Variants in TNNI3K observed in about 807,000 individuals in gnomAD.
TNNI3K encodes the protein serine/threonine-protein kinase TNNI3K.
In TNNI3K, 140 loss-of-function variants were observed where a neutral mutation model predicts 114.5. That is an observed-to-expected ratio of 1.22 (90% CI 1.07 to 1.41). TNNI3K has a LOEUF of 1.41. Among genes scored for constraint, TNNI3K ranks in the 40% most tolerant of loss-of-function variants. TNNI3K has a pLI of 0.00. For missense variants in TNNI3K, 1,125 were observed against 1,007.6 expected (o/e 1.12, Z -1.58); for synonymous variants, 347 against 347.5 (o/e 1.00, Z 0.02).
intron 21 of TNNI3K, among the ~76,000 whole-genome samples, chr1:74,474,507 T>G (rs1009025289): frequency 6.6e-6 from 1 of 152,184 alleles, no homozygotes; most frequent in Non-Finnish European, 1.5e-5. Context: ...AATTTCTTGA[T>G]ACAGCACCTC....
intron 23 of TNNI3K, among the ~76,000 whole-genome samples, chr1:74,512,831 C>A (rs1052440092): frequency 6.6e-6 from 1 of 152,150 alleles, no homozygotes; most frequent in Non-Finnish European, 1.5e-5. Context: ...TCAAAATGGG[C>A]ACCCCCTGCA....
At chr1:74,406,239 G>T (rs919929407) in intron 17 of TNNI3K, among the ~76,000 whole-genome samples, 4 of 152,160 alleles carry the variant, frequency 2.6e-5, no homozygotes, top group Non-Finnish European at 5.9e-5. Flanking sequence ...CAGCCCACAG[G>T]CTGTGTGTGG....
At chr1:74,304,251 GTCAA>G (rs1251428107) in intron 5 of TNNI3K, among the ~76,000 whole-genome samples, 3 of 152,154 alleles carry the variant, frequency 2.0e-5, no homozygotes, top group Admixed American at 2.0e-4. Context: ...GAAAGAAAGA[GTCAA>G]TCAATGTGGC....
At position 74,286,917 on chromosome 1, in the gene TNNI3K, G is replaced by A. The variant is rs541566687; in HGVS notation, c.444+15209G>A. On this transcript the variant is annotated intron_variant, in intron 5 of 24. Transcript: ENST00000326637. ...GAAATGAAGATTTCTGAACTGCCTG[G>A]CAAATAATTAAAAATAATCACCTTA... is the stretch of plus-strand genomic sequence containing the variant. Among the ~76,000 whole-genome samples, 4 of 152,146 alleles carry A rather than the reference G, an allele frequency of 2.6e-5. 1 individual carries two copies. The South Asian group carries it at 8.3e-4, about 32-fold the overall frequency.
At chr1:74,474,855 A>G in intron 21 of TNNI3K, among the ~76,000 whole-genome samples, 1 of 151,998 alleles carries the variant, frequency 6.6e-6, no homozygotes. Context: ...ATGAATCACT[A>G]GCATTAGAGG....
intron 2 of TNNI3K, among the ~76,000 whole-genome samples, chr1:74,236,423 T>G (rs1653863544): frequency 6.6e-6 from 1 of 151,790 alleles, no homozygotes; most frequent in South Asian, 2.1e-4. Context: ...TAAATTGTAA[T>G]CTGCCATCAT....
intron 5 of TNNI3K, among the ~76,000 whole-genome samples, chr1:74,302,193 G>A (rs1658368980): frequency 6.6e-6 from 1 of 152,142 alleles, no homozygotes; most frequent in African/African-American, 2.4e-5. Context: ...TGTTGCAATT[G>A]TTTTGGGGAG....
intron 24 of TNNI3K, 103 bp from the exon 25 acceptor site, chr1:74,543,803 T>C: frequency 2.3e-6 from 3 of 1,298,564 alleles, no homozygotes; most frequent in Non-Finnish European, 3.3e-6. Flanking sequence ...AGATTGTCTG[T>C]TCACATGATC....
intron 11 of TNNI3K, among the ~76,000 whole-genome samples, chr1:74,360,623 A>T (rs944355467): frequency 1.3e-5 from 2 of 152,104 alleles, no homozygotes; most frequent in African/African-American, 4.8e-5. Context: ...TTTACATGGC[A>T]GTCCAATCTG....
intron 21 of TNNI3K, among the ~76,000 whole-genome samples, chr1:74,479,919 G>T (rs1212876656): frequency 1.3e-5 from 2 of 152,214 alleles, no homozygotes; most frequent in Admixed American, 6.5e-5. Flanking sequence ...TTATACCAGG[G>T]CTGGAGCCCT....
intron 5 of TNNI3K, among the ~76,000 whole-genome samples, chr1:74,303,221 T>C (rs1342055836): frequency 6.6e-6 from 1 of 152,072 alleles, no homozygotes; most frequent in East Asian, 1.9e-4. Context: ...TGATATGGAG[T>C]TTCACTCTTC....
intron 17 of TNNI3K, chr1:74,375,188 T>C (rs989032560): frequency 6.4e-6 from 1 of 157,034 alleles, no homozygotes; most frequent in Admixed American, 6.2e-5. Flanking sequence ...CCCTTTAATA[T>C]TGGGGATGGA....
chr1:74,342,692 G>T, intron 7 of TNNI3K, 150 bp from the exon 8 acceptor site: 1 of 926,534 alleles, frequency 1.1e-6, no homozygotes, highest in Non-Finnish European at 1.6e-6. Flanking sequence ...TTTAAAAATT[G>T]GTCGCCCTTA....
chr1:74,322,514 G>T (rs1659674655), intron 5 of TNNI3K, among the ~76,000 whole-genome samples: 1 of 147,584 alleles, frequency 6.8e-6, no homozygotes, highest in African/African-American at 2.5e-5. Flanking sequence ...AGGCTGGAGT[G>T]CAGTGGCACC....
intron 20 of TNNI3K, among the ~76,000 whole-genome samples, chr1:74,443,594 G>C: frequency 6.6e-6 from 1 of 152,090 alleles, no homozygotes; most frequent in East Asian, 1.9e-4. Flanking sequence ...AGAGGAGCTG[G>C]TACCATTTTT....
chr1:74,420,220 G>A (rs77824836), intron 17 of TNNI3K, among the ~76,000 whole-genome samples: 3,312 of 152,154 alleles, frequency 0.022, 45 homozygotes, highest in Non-Finnish European at 0.031. Context: ...TATATTTGGA[G>A]GAGTAAAACT....
intron 23 of TNNI3K, among the ~76,000 whole-genome samples, chr1:74,515,369 A>G (rs546893325): frequency 1.3e-4 from 20 of 152,344 alleles, no homozygotes; most frequent in Admixed American, 2.0e-4. Context: ...CTAACCCAGT[A>G]TGAGACTTGA....
chr1:74,449,274 A>T (rs1249815764), intron 20 of TNNI3K, among the ~76,000 whole-genome samples: 1 of 151,412 alleles, frequency 6.6e-6, no homozygotes, highest in Admixed American at 6.6e-5. Flanking sequence ...GTATTCTCTG[A>T]TGGTAGTTTG....
At chr1:74,243,308 T>G (rs1169233919) in intron 2 of TNNI3K, among the ~76,000 whole-genome samples, 1 of 152,196 alleles carries the variant, frequency 6.6e-6, no homozygotes, top group Non-Finnish European at 1.5e-5. Flanking sequence ...GAAACAGATC[T>G]TATTGATATA....
Sources: allele counts gnomAD v4.1 joint callset (sites outside exome capture counted in the v4.1 genomes callset), GRCh38; gene constraint gnomAD v4.1.1; transcripts MANE v1.5; gene names NCBI Gene and HGNC (gene_info 2026-07-23, HGNC 2026-07-21).